REL: variants seen among roughly 807,000 people sequenced by gnomAD.
The protein encoded by REL is REL proto-oncogene, NF-kB subunit, also known as proto-oncogene c-Rel.
A neutral mutation model predicts 45.9 loss-of-function variants in REL; 15 were observed. The ratio of observed to expected loss-of-function variants is 0.33; its 90% CI spans 0.22 to 0.50. The LOEUF is 0.50. Among genes scored for constraint, REL ranks in the 20% least tolerant of loss-of-function variants. REL has a pLI of 0.98. For missense variants in REL, 601 were observed against 715.2 expected (o/e 0.84, Z 1.82); for synonymous variants, 239 against 242.1 (o/e 0.99, Z 0.12).
rs1403704527 is a variant in REL at position 60,927,393 on chromosome 2, A to G, written c.*4858A>G. 3 of 232,192 alleles carry G rather than the reference A, an allele frequency of 1.3e-5. No individual in the cohort carries two copies. Among genetic ancestry groups the G allele is most frequent in the East Asian group, 6.0e-5 (1 of 16,590 alleles). 14.4% of individuals were successfully genotyped at this position (232,192 alleles called of 1,614,324 possible). A position where few individuals can be genotyped will look rare whatever the true frequency, so the allele number is the denominator to read the frequency against. On this transcript the variant is annotated 3_prime_UTR_variant, in exon 10 of 10. Transcript: ENST00000394479. ...CCTTTTTTACCACACACACACGCAC[A>G]CATACCACAGCCCTTTGAGACTGAA...
Position 60,906,913 on chromosome 2 carries a change from A to ATATTTTT in REL, c.394+5831_394+5832insATTTTTT, listed in dbSNP as rs1311506982. Reference sequence around the variant, plus strand: ...TGTGTGTATATATATATATATATATATTTTTTTTTTTTTTTTCTTTTCCGA... The same window carrying ATATTTTT: ...TGTGTGTATATATATATATATATATATATTTTTTTTTTTTTTTTTTTTTCTTTTCCGA... On this transcript the variant is annotated intron_variant, in intron 4 of 9. Coordinates refer to ENST00000394479, the MANE Select transcript of REL (RefSeq NM_001291746.2). Among the ~76,000 whole-genome samples, 101 of 104,324 alleles carry ATATTTTT rather than the reference A, an allele frequency of 9.7e-4. 1 individual carries two copies. The highest frequency in any genetic ancestry group is 3.8e-3 in the South Asian group (13 of 3,384). 68.4% of individuals were successfully genotyped at this position (104,324 alleles called of 152,430 possible).
At chr2:60,906,909 A>ATTTTT (rs1291297864) in intron 4 of REL, among the ~76,000 whole-genome samples, 4 of 97,488 alleles carry the variant, frequency 4.1e-5, no homozygotes, top group Non-Finnish European at 8.4e-5. Context: ...ATATATATAT[A>ATTTTT]TATATTTTTT....
At chr2:60,903,504 G>A (rs1291130986) in intron 4 of REL, among the ~76,000 whole-genome samples, 1 of 151,890 alleles carries the variant, frequency 6.6e-6, no homozygotes, top group Non-Finnish European at 1.5e-5. Flanking sequence ...CTCCTAAGTA[G>A]CTGGGATTAC....
At chr2:60,898,220 G>A (rs1014078582) in intron 3 of REL, among the ~76,000 whole-genome samples, 3 of 152,160 alleles carry the variant, frequency 2.0e-5, no homozygotes, top group African/African-American at 7.2e-5. Flanking sequence ...TTTAGCCAGT[G>A]TGATCTTTTA....
intron 4 of REL, among the ~76,000 whole-genome samples, chr2:60,905,416 C>T (rs989807532): frequency 2.6e-5 from 4 of 152,056 alleles, no homozygotes; most frequent in Admixed American, 6.6e-5. Context: ...CATTCCTTCC[C>T]GAGCCTTTCA....
chr2:60,889,691 A>C (rs1244986275), intron 1 of REL, among the ~76,000 whole-genome samples: 1 of 150,162 alleles, frequency 6.7e-6, no homozygotes, highest in Non-Finnish European at 1.5e-5. Flanking sequence ...ATCAATTCCC[A>C]CCCATGAGTG....
chr2:60,885,106 C>A (rs1673039612), intron 1 of REL, among the ~76,000 whole-genome samples: 1 of 152,032 alleles, frequency 6.6e-6, no homozygotes, highest in African/African-American at 2.4e-5. Context: ...TAGGGAGGAG[C>A]CAGACAATGA....
At chr2:60,902,526 C>T (rs571202973) in intron 4 of REL, among the ~76,000 whole-genome samples, 657 of 110,282 alleles carry the variant, frequency 6.0e-3, no homozygotes, top group Non-Finnish European at 8.9e-3. Context: ...TCAATACTTA[C>T]AAATCTGTTT....
At chr2:60,900,139 A>G (rs1035042997) in intron 3 of REL, 1 of 152,216 alleles carries the variant, frequency 6.6e-6, no homozygotes, top group Admixed American at 6.5e-5. Context: ...TTCTGTGCCA[A>G]CCTAGTATTG....
At chr2:60,894,144 A>C (rs752454420) in intron 2 of REL, among the ~76,000 whole-genome samples, 1 of 152,304 alleles carries the variant, frequency 6.6e-6, no homozygotes, top group African/African-American at 2.4e-5. Flanking sequence ...TTGTTTTGAA[A>C]GGAAAATAAG....
chr2:60,899,755 G>A (rs190504833), intron 3 of REL: 3 of 152,436 alleles, frequency 2.0e-5, no homozygotes, highest in African/African-American at 7.2e-5. Flanking sequence ...GAACAAGTAT[G>A]ACTGGTGGTG....
At chr2:60,907,249 G>T (rs1673686780) in intron 4 of REL, among the ~76,000 whole-genome samples, 2 of 151,690 alleles carry the variant, frequency 1.3e-5, no homozygotes, top group Admixed American at 6.6e-5. Context: ...AATATGGTTT[G>T]CTATAACTTT....
chr2:60,921,633 T>A (rs981745406), intron 9 of REL, 130 bp from the exon 10 acceptor site: 3 of 794,244 alleles, frequency 3.8e-6, no homozygotes, highest in Non-Finnish European at 5.8e-6. Flanking sequence ...TTTTTTTATT[T>A]GAAATGTTAC....
At chr2:60,907,810 C>T (rs1356106015) in intron 4 of REL, among the ~76,000 whole-genome samples, 1 of 151,782 alleles carries the variant, frequency 6.6e-6, no homozygotes. Context: ...CCTGCCTCAG[C>T]CTCCCGAGTA....
intron 4 of REL, among the ~76,000 whole-genome samples, chr2:60,910,930 TCAAA>T: frequency 6.6e-6 from 1 of 152,304 alleles, no homozygotes; most frequent in Admixed American, 6.5e-5. Context: ...AGACTCTGTC[TCAAA>T]CAAAACAAAC....
chr2:60,919,981 T>A (rs752202284), intron 7 of REL, 60 bp from the exon 8 acceptor site: 56 of 1,046,132 alleles, frequency 5.4e-5, no homozygotes, highest in Non-Finnish European at 7.8e-5. Flanking sequence ...ATTTGTTTAT[T>A]AAAGGAGAGG....
intron 1 of REL, among the ~76,000 whole-genome samples, chr2:60,888,924 C>T (rs1673136478): frequency 6.6e-6 from 1 of 152,194 alleles, no homozygotes; most frequent in African/African-American, 2.4e-5. Context: ...TCATTGCCCA[C>T]ATTATTATAG....
intron 3 of REL, among the ~76,000 whole-genome samples, chr2:60,897,252 T>C (rs1033553684): frequency 1.3e-5 from 2 of 152,100 alleles, no homozygotes; most frequent in Admixed American, 1.3e-4. Context: ...TTTGAGCACT[T>C]TTTTACTTTC....
At position 60,883,427 on chromosome 2, in the gene REL, G is replaced by A. The variant is rs570750793; in HGVS notation, c.10+1577G>A. Among the ~76,000 whole-genome samples, 332 of 152,296 alleles carry A rather than the reference G, an allele frequency of 2.2e-3. 3 individuals are homozygous for A. The highest frequency in any genetic ancestry group is 6.6e-3 in the African/African-American group (273 of 41,536). On this transcript the variant is annotated intron_variant, in intron 1 of 9. Transcript: ENST00000394479. The stretch of plus-strand genomic sequence containing the variant: ...CAACTTTCCCTTTTCCCACTTAAGT[G>A]ACACCAGACTTTCAGATAATCGTGT...
Sources: allele counts gnomAD v4.1 joint callset (sites outside exome capture counted in the v4.1 genomes callset), GRCh38; gene constraint gnomAD v4.1.1; transcripts MANE v1.5; gene names NCBI Gene and HGNC (gene_info 2026-07-23, HGNC 2026-07-21).